ANKS1A: variants seen among roughly 807,000 people sequenced by gnomAD.
ANKS1A encodes the protein ankyrin repeat and SAM domain-containing protein 1A.
In ANKS1A, 55 loss-of-function variants were observed where a neutral mutation model predicts 120.3. That is an observed-to-expected ratio of 0.46 (90% CI 0.37 to 0.57). ANKS1A has a LOEUF of 0.57. Ranked by LOEUF, ANKS1A falls within the 20% of genes least tolerant of loss-of-function variation. The probability of loss-of-function intolerance (pLI) is 0.00; values close to 1 mark genes in which losing one functional copy is unlikely to be tolerated. For synonymous variants in ANKS1A, 590 were observed against 604.7 expected (o/e 0.98, Z 0.36); for missense variants, 1,123 against 1,480.3 (o/e 0.76, Z 3.96).
chr6:34,922,757 G>A (rs537802998), intron 1 of ANKS1A, among the ~76,000 whole-genome samples: 2 of 149,226 alleles, frequency 1.3e-5, no homozygotes, highest in Admixed American at 1.4e-4. Context: ...GCAGTGGCGC[G>A]ATCTCAGCTC....
chr6:35,000,272 A>G (rs1253290752), intron 10 of ANKS1A, among the ~76,000 whole-genome samples: 2 of 152,108 alleles, frequency 1.3e-5, no homozygotes, highest in African/African-American at 2.4e-5. Context: ...AAAGCCATCT[A>G]TACCAATTCT....
chr6:35,060,944 C>G lies in ANKS1A; in HGVS notation c.2184+691C>G, dbSNP rs1448093693. 6.6e-6 allele frequency among the ~76,000 whole-genome samples: 1 copy of G among 152,184 alleles called. No homozygotes were observed. Among genetic ancestry groups the G allele is most frequent in the Admixed American group, 6.5e-5 (1 of 15,274 alleles). On this transcript the variant is annotated intron_variant, in intron 13 of 23. Transcript: ENST00000360359. The surrounding 1 kb of genome is among the most constrained non-coding windows in gnomAD (Gnocchi z 4.5). ...TCTGATCAGGGTACCTGTCACTGTC[C>G]CTCTCTTGGAAGCCCTTCTAGAGGC... is the stretch of plus-strand genomic sequence containing the variant.
At chr6:34,933,796 G>A (rs908303048) in intron 1 of ANKS1A, among the ~76,000 whole-genome samples, 3 of 152,178 alleles carry the variant, frequency 2.0e-5, no homozygotes, top group African/African-American at 7.2e-5. Context: ...CAAAAGAATT[G>A]TCAGGGCTAA....
chr6:35,035,001 C>G (rs1429352102), intron 11 of ANKS1A, among the ~76,000 whole-genome samples: 1 of 152,218 alleles, frequency 6.6e-6, no homozygotes, highest in Admixed American at 6.5e-5. Flanking sequence ...ACTCATTACC[C>G]GCGAGTAAGT....
At chr6:34,990,271 T>C (rs1047078914) in intron 9 of ANKS1A, among the ~76,000 whole-genome samples, 3 of 152,152 alleles carry the variant, frequency 2.0e-5, no homozygotes, top group Non-Finnish European at 4.4e-5. Flanking sequence ...AAAGTCAGTG[T>C]TGGAGATAGG....
chr6:34,911,635 T>G (rs1469542934), intron 1 of ANKS1A, among the ~76,000 whole-genome samples: 1 of 152,192 alleles, frequency 6.6e-6, no homozygotes, highest in Non-Finnish European at 1.5e-5. Context: ...TGATTGGCAT[T>G]GTCTGGAGTC....
rs543042218 is a variant in ANKS1A, at chr6:35,090,817, C to G, written c.*2208C>G. ...AGGAGCCCATTCGGGTGGGAGACTT[C>G]AGATGGGCTCAGTACCTGTCCCAGC... On this transcript the variant is annotated 3_prime_UTR_variant, in exon 24 of 24. Coordinates refer to ENST00000360359, the MANE Select transcript of ANKS1A (RefSeq NM_015245.3). 1 of 985,798 alleles carries G rather than the reference C, an allele frequency of 1.0e-6. No individual in the cohort carries two copies. The highest frequency in any genetic ancestry group is 1.7e-5 in the African/African-American group (1 of 57,244). The allele number at this position is 985,798 out of a possible 1,614,324, so 61.1% of individuals were successfully genotyped here.
chr6:34,987,021 C>G (rs1398680254), intron 8 of ANKS1A, among the ~76,000 whole-genome samples: 1 of 152,252 alleles, frequency 6.6e-6, no homozygotes. Context: ...TTGATTTACA[C>G]AGGTCTCTTT....
intron 9 of ANKS1A, among the ~76,000 whole-genome samples, chr6:34,990,987 G>C (rs1476141262): frequency 6.6e-6 from 1 of 152,082 alleles, no homozygotes; most frequent in Non-Finnish European, 1.5e-5. Context: ...TCTTCAAAGT[G>C]TACTATTATG....
intron 3 of ANKS1A, among the ~76,000 whole-genome samples, chr6:34,978,246 G>A (rs774385780): frequency 6.6e-6 from 1 of 152,074 alleles, no homozygotes; most frequent in Non-Finnish European, 1.5e-5. Context: ...ATAAGCCACC[G>A]CACCCAGCCA....
intron 11 of ANKS1A, among the ~76,000 whole-genome samples, chr6:35,033,220 T>C (rs1363491337): frequency 2.6e-5 from 4 of 152,210 alleles, no homozygotes; most frequent in East Asian, 1.9e-4. Flanking sequence ...AAACCAGATA[T>C]GGTATATTTC....
intron 1 of ANKS1A, among the ~76,000 whole-genome samples, chr6:34,957,352 C>G (rs947956388): frequency 6.6e-6 from 1 of 152,184 alleles, no homozygotes; most frequent in African/African-American, 2.4e-5. Context: ...TGTATCTCTC[C>G]TTTTACCCTC....
At chr6:34,907,832 A>G (rs941841086) in intron 1 of ANKS1A, among the ~76,000 whole-genome samples, 10 of 152,184 alleles carry the variant, frequency 6.6e-5, no homozygotes, top group African/African-American at 2.4e-4. Context: ...TCCTTCATCT[A>G]TAATAATAGA....
chr6:34,998,844 T>C (rs182236705), intron 10 of ANKS1A, among the ~76,000 whole-genome samples: 1 of 152,296 alleles, frequency 6.6e-6, no homozygotes, highest in East Asian at 1.9e-4. Context: ...CATTTCTTGG[T>C]TCCCTGACCA....
At position 35,089,251 on chromosome 6, in the gene ANKS1A, A is replaced by AACT. The variant is rs1290952658; in HGVS notation, c.*643_*645dup. 1.0e-6 allele frequency: 1 copy of AACT among 987,448 alleles called. No individual in the cohort carries two copies. Among genetic ancestry groups the AACT allele is most frequent in the Non-Finnish European group, 1.2e-6 (1 of 831,298 alleles). 61.2% of individuals were successfully genotyped at this position (987,448 alleles called of 1,614,324 possible). On this transcript the variant is annotated 3_prime_UTR_variant, in exon 24 of 24. Transcript: ENST00000360359. ...AACACAGCCTTAGAGGCACCTGAGC[A>AACT]ACTCAAAGGTTTCCGGTCCATTTCT...
chr6:34,973,868 T>TC lies in ANKS1A; in HGVS notation c.435+3705dup, dbSNP rs1554139642. 7.5e-3 allele frequency among the ~76,000 whole-genome samples: 643 copies of TC among 86,294 alleles called. 66 individuals carry two copies. Among genetic ancestry groups the TC allele is most frequent in the African/African-American group, 0.032 (600 of 18,584 alleles). 56.6% of individuals were successfully genotyped at this position (86,294 alleles called of 152,430 possible). A position where few individuals can be genotyped will look rare whatever the true frequency, so the allele number is the denominator to read the frequency against. On this transcript the variant is annotated intron_variant, in intron 3 of 23. Transcript: ENST00000360359. The stretch of plus-strand genomic sequence containing the variant: ...CTTCCCCTTCCCCTTGCCCTCCCCT[T>TC]CCCTTCCCCTTCCCCTTCACTTCCC...
intron 1 of ANKS1A, among the ~76,000 whole-genome samples, chr6:34,903,022 TG>T (rs990111783): frequency 5.9e-5 from 9 of 152,170 alleles, no homozygotes; most frequent in African/African-American, 2.2e-4. Context: ...CTGATTCTTT[TG>T]GGTGAAATTT....
intron 11 of ANKS1A, among the ~76,000 whole-genome samples, chr6:35,034,409 G>C (rs1005567896): frequency 3.3e-5 from 5 of 152,206 alleles, no homozygotes; most frequent in Non-Finnish European, 5.9e-5. Context: ...GACACCCTAA[G>C]TGGCATTGGG....
Position 34,903,896 on chromosome 6 carries a change from C to T in ANKS1A, c.197+14297C>T, listed in dbSNP as rs115499765. Among the ~76,000 whole-genome samples, 1,389 of 152,286 alleles carry T rather than the reference C, an allele frequency of 9.1e-3. 25 individuals carry two copies. The highest frequency in any genetic ancestry group is 0.032 in the African/African-American group (1,328 of 41,556). The stretch of plus-strand genomic sequence containing the variant: ...CTGGAATGCAATGGCACGATATTAG[C>T]TCATTGTAGCCTTGAACTCTTGGCC... On this transcript the variant is annotated intron_variant, in intron 1 of 23. Coordinates refer to ENST00000360359, the MANE Select transcript of ANKS1A (RefSeq NM_015245.3).
Sources: gnomAD v4.1 joint callset for allele counts (sites outside exome capture counted in the v4.1 genomes callset) on GRCh38, gnomAD v4.1.1 for gene constraint, Gnocchi (gnomAD v3.1) non-coding constraint, MANE v1.5 for transcripts, NCBI Gene and HGNC (gene_info 2026-07-23, HGNC 2026-07-21) for gene names.